The following DNAH14 variants were observed in gnomAD, a reference collection of about 807,000 sequenced individuals.
DNAH14 encodes the protein axonemal beta dynein heavy chain 14.
In DNAH14, 478 loss-of-function variants were observed where a neutral mutation model predicts 520.9. The ratio of observed to expected loss-of-function variants is 0.92; its 90% CI spans 0.85 to 0.99. The LOEUF (loss-of-function observed/expected upper bound fraction) is 0.99, where lower values mean the gene tolerates loss of function less well. Ranked by LOEUF, DNAH14 falls within the 50% of genes least tolerant of loss-of-function variation. The probability of loss-of-function intolerance (pLI) is 0.00; values close to 1 mark genes in which losing one functional copy is unlikely to be tolerated. For synonymous variants in DNAH14, 1,581 were observed against 1,757.2 expected (o/e 0.90, Z 2.51); for missense variants, 4,831 against 5,234.5 (o/e 0.92, Z 2.38).
rs370187831 is a variant in DNAH14, at chr1:224,967,473, C to A, written c.541C>A (p.Arg181=). 10 of 1,573,818 alleles carry A rather than the reference C, an allele frequency of 6.4e-6. No homozygotes were observed. The highest frequency in any genetic ancestry group is 1.4e-5 in the African/African-American group (1 of 72,574). The change falls in exon 6 of 86, where the codon CGG becomes AGG. Residue 181 remains arginine (R), a synonymous_variant. Coordinates refer to ENST00000682510, the MANE Select transcript of DNAH14 (RefSeq NM_001367479.1). ...TGGAGAATTTGTTTATTGCCTTCCT[C>A]GGAAAAGTCCTAAATCCCTTTACAA... ...DDGEFVYCLP[R]KSPKSLYNPY... is the part of the protein sequence containing the mutation.
At chr1:225,085,449 T>A (rs940302452) in intron 20 of DNAH14, 95 bp from the exon 21 acceptor site, 1 of 1,117,684 alleles carries the variant, frequency 8.9e-7, no homozygotes, top group African/African-American at 1.5e-5. Flanking sequence ...ATATTTTTGA[T>A]GTGCCTTTCA....
intron 54 of DNAH14, among the ~76,000 whole-genome samples, chr1:225,282,587 C>A (rs1007820176): frequency 1.3e-5 from 2 of 152,146 alleles, no homozygotes; most frequent in African/African-American, 4.8e-5. Flanking sequence ...ATACAGGGTG[C>A]ATGATCAGGC....
chr1:225,076,285 C>T (rs2072268077), intron 17 of DNAH14, among the ~76,000 whole-genome samples: 1 of 152,152 alleles, frequency 6.6e-6, no homozygotes, highest in African/African-American at 2.4e-5. Flanking sequence ...TCTGGAGGCT[C>T]AATCTGTGAG....
At chr1:225,296,472 A>G (rs1012107315) in intron 55 of DNAH14, among the ~76,000 whole-genome samples, 1 of 145,066 alleles carries the variant, frequency 6.9e-6, no homozygotes, top group Non-Finnish European at 1.5e-5. Context: ...TGTTTTGTGT[A>G]TCCTTCCTCT....
chr1:225,002,616 T>C (rs2063849732), intron 8 of DNAH14, among the ~76,000 whole-genome samples, 167 bp from the exon 9 acceptor site: 1 of 152,136 alleles, frequency 6.6e-6, no homozygotes, highest in Admixed American at 6.6e-5. Context: ...TACAACATTA[T>C]CATCCAAACA....
intron 1 of DNAH14, among the ~76,000 whole-genome samples, chr1:224,951,934 C>T (rs1170944867): frequency 2.6e-5 from 4 of 152,164 alleles, no homozygotes; most frequent in African/African-American, 7.2e-5. Flanking sequence ...CCACGGCGCC[C>T]GGCTGGCATT....
chr1:225,040,530 C>T (rs946614342), intron 12 of DNAH14, among the ~76,000 whole-genome samples: 3 of 152,098 alleles, frequency 2.0e-5, no homozygotes, highest in African/African-American at 7.2e-5. Context: ...CTCATGTAGG[C>T]TTCACCCAAC....
rs571526302 is a variant in DNAH14, at chr1:225,191,631, A to AT, written c.5671-1058dup. On this transcript the variant is annotated intron_variant, in intron 37 of 85. Coordinates refer to ENST00000682510, the MANE Select transcript of DNAH14 (RefSeq NM_001367479.1). ...ATTTGGGGCCAGTATTTCTACCAAC[A>AT]TTTTTTTCTACTTTTTCTCTCTTTT... Among the ~76,000 whole-genome samples the AT allele has an allele frequency of 7.0e-4, 106 of 151,764 alleles. 1 individual carries two copies. The highest frequency in any genetic ancestry group is 2.4e-3 in the African/African-American group (98 of 41,434).
rs765587752 is a variant in DNAH14 at position 225,337,448 on chromosome 1, C to CA, written c.10270dup (p.Ile3424AsnfsTer2). 77 of 1,551,470 alleles carry CA rather than the reference C, an allele frequency of 5.0e-5. No individual in the cohort carries two copies. The highest frequency in any genetic ancestry group is 6.5e-5 in the Non-Finnish European group (74 of 1,146,966). ...TCTCCATTGAAGACAGCAATTATACCAAAAAAATTGAAAATGCTATGAAGA... is the reference window on the plus strand; with the variant it reads ...TCTCCATTGAAGACAGCAATTATACCAAAAAAAATTGAAAATGCTATGAAGA... On this transcript the variant is annotated frameshift_variant, in exon 67 of 86. Transcript: ENST00000682510. LOFTEE classifies it high-confidence loss of function.
intron 79 of DNAH14, among the ~76,000 whole-genome samples, chr1:225,378,848 C>G (rs1490338344): frequency 1.4e-5 from 2 of 146,516 alleles, no homozygotes; most frequent in Non-Finnish European, 3.0e-5. Flanking sequence ...ACACTGCACT[C>G]CAGCTGGGGT....
At position 225,034,313 on chromosome 1, in the gene DNAH14, T is replaced by A. The variant is rs117692891; in HGVS notation, c.1359-4381T>A. On this transcript the variant is annotated intron_variant, in intron 11 of 85. Transcript: ENST00000682510. Reference sequence around the variant, plus strand: ...AAAGCCTTTTTTGCATCTGTTGAGATAATCATACAGTTTTTGTCTTTAGTT... The same window carrying A: ...AAAGCCTTTTTTGCATCTGTTGAGAAAATCATACAGTTTTTGTCTTTAGTT... Among the ~76,000 whole-genome samples, 23 of 152,350 alleles carry A rather than the reference T, an allele frequency of 1.5e-4. No homozygotes were observed. In the East Asian group the frequency reaches 2.9e-3, roughly 19 times the overall value.
chr1:225,061,364 A>T (rs984125823), intron 17 of DNAH14, among the ~76,000 whole-genome samples: 1 of 152,220 alleles, frequency 6.6e-6, no homozygotes, highest in African/African-American at 2.4e-5. Flanking sequence ...CCATTGGAAA[A>T]GCACAGTATT....
At chr1:224,977,691 C>T (rs552818432) in intron 8 of DNAH14, among the ~76,000 whole-genome samples, 13 of 152,220 alleles carry the variant, frequency 8.5e-5, no homozygotes, top group African/African-American at 2.9e-4. Flanking sequence ...AAAAAGAATG[C>T]TGTATCTGCG....
chr1:225,170,346 C>T, intron 36 of DNAH14, among the ~76,000 whole-genome samples: 3 of 152,188 alleles, frequency 2.0e-5, no homozygotes, highest in Middle Eastern at 6.8e-3. Flanking sequence ...AGAGTCAAGA[C>T]CCATCAGTGT....
intron 17 of DNAH14, among the ~76,000 whole-genome samples, chr1:225,056,796 C>A (rs2069160105): frequency 6.6e-6 from 1 of 152,044 alleles, no homozygotes; most frequent in Admixed American, 6.5e-5. Context: ...GAATACTTTC[C>A]CCATTTCTTG....
intron 81 of DNAH14, among the ~76,000 whole-genome samples, chr1:225,386,111 C>T (rs1458146870): frequency 6.6e-6 from 1 of 152,060 alleles, no homozygotes; most frequent in Non-Finnish European, 1.5e-5. Context: ...AGAAACCGGA[C>T]AAAAACAAGC....
In DNAH14 at chr1:224,953,405, A is replaced by G. The variant is rs139688536; in HGVS notation, c.77+626A>G. Among the ~76,000 whole-genome samples, 317 of 152,256 alleles carry G rather than the reference A, an allele frequency of 2.1e-3. 1 individual carries two copies. Among genetic ancestry groups the G allele is most frequent in the African/African-American group, 7.3e-3 (303 of 41,544 alleles). On this transcript the variant is annotated intron_variant, in intron 2 of 85. Transcript: ENST00000682510. Reference sequence around the variant, plus strand: ...TCCCAAATAAATACGATTTTTTAAAATGATGTAATTATGACCTTTATGAGA... The same window carrying G: ...TCCCAAATAAATACGATTTTTTAAAGTGATGTAATTATGACCTTTATGAGA...
rs1251707801 is a variant in DNAH14, at chr1:225,389,826, A to G, written c.13283A>G (p.Glu4428Gly). 1 of 1,551,730 alleles carries G rather than the reference A, an allele frequency of 6.4e-7. No individual in the cohort carries two copies. The highest frequency in any genetic ancestry group is 8.7e-7 in the Non-Finnish European group (1 of 1,147,014). The change falls in exon 83 of 86, where the codon GAA (glutamate) becomes GGA (glycine). Residue 4428 changes from glutamate to glycine, a missense_variant. Glu to Gly is a moderately conservative substitution (Grantham distance 98). Transcript: ENST00000682510. ...GAGGATTCAGAGAACAATTTCTTTG[A>G]AGGGTTTCCTTCAAGATACTGGCTC... ...HPEDSENNFF[E>G]GFPSRYWLPA...
intron 1 of DNAH14, among the ~76,000 whole-genome samples, chr1:224,930,056 C>T (rs937156544): frequency 2.0e-5 from 3 of 152,190 alleles, no homozygotes; most frequent in African/African-American, 4.8e-5. Context: ...GCCGGTAGCC[C>T]CGACCGCAGG....
Sources: gnomAD v4.1 joint callset for allele counts (sites outside exome capture counted in the v4.1 genomes callset) on GRCh38, gnomAD v4.1.1 for gene constraint, MANE v1.5 for transcripts, NCBI Gene and HGNC (gene_info 2026-07-23, HGNC 2026-07-21) for gene names.